Variants in PRDM10 observed in about 807,000 individuals in gnomAD.
The protein encoded by PRDM10 is PR domain zinc finger protein 10.
PRDM10 carries 65 observed loss-of-function variants against 133.1 expected under a neutral mutation model. The observed-to-expected ratio is 0.49, with a 90% CI of 0.40 to 0.60. PRDM10 has a LOEUF of 0.60. PRDM10 is among the 20% of genes least tolerant of loss of function. The pLI is 0.00. For synonymous variants in PRDM10, 582 were observed against 580.4 expected (o/e 1.00, Z -0.04); for missense variants, 1,137 against 1,507.1 (o/e 0.75, Z 4.07).
chr11:129,935,322 A>T lies in PRDM10; in HGVS notation c.1040-104T>A. 4 of 831,972 alleles carry T rather than the reference A, an allele frequency of 4.8e-6. No homozygotes were observed. In the Admixed American group the frequency reaches 7.3e-5, roughly 15 times the overall value. The allele number at this position is 831,972 out of a possible 1,614,324, so 51.5% of individuals were successfully genotyped here. ...ATTCTTATCTTGCTGCAGCCCAAAG[A>T]GTTCATAACTATATAGTATCTGCTA... On this transcript the variant is annotated intron_variant, in intron 8 of 20. Coordinates refer to ENST00000360871, the MANE Select transcript of PRDM10 (RefSeq NM_199437.2).
rs57268294 is a variant in PRDM10, at chr11:129,905,363, G to GAAAAAAAAAA, written c.3267+265_3267+274dup. Reference sequence around the variant, plus strand: ...GGCGACACAGCAAGACTCTGTCTCAGAAAAAAAAAAAAAAAAAAAAGGCTC... The same window carrying GAAAAAAAAAA: ...GGCGACACAGCAAGACTCTGTCTCAGAAAAAAAAAAAAAAAAAAAAAAAAAAAAAAGGCTC... On this transcript the variant is annotated intron_variant, in intron 20 of 20. Coordinates refer to ENST00000360871, the MANE Select transcript of PRDM10 (RefSeq NM_199437.2). Among the ~76,000 whole-genome samples, 5 of 69,444 alleles carry GAAAAAAAAAA rather than the reference G, an allele frequency of 7.2e-5. 1 individual carries two copies. Among genetic ancestry groups the GAAAAAAAAAA allele is most frequent in the Non-Finnish European group, 5.5e-5 (2 of 36,242 alleles). The allele number at this position is 69,444 out of a possible 152,430, so 45.6% of individuals were successfully genotyped here.
chr11:129,998,806 A>G (rs2136012227), intron 1 of PRDM10, among the ~76,000 whole-genome samples: 1 of 151,854 alleles, frequency 6.6e-6, no homozygotes, highest in Middle Eastern at 3.4e-3. Flanking sequence ...GAAATGGTGA[A>G]ATGGTGTAAT....
chr11:129,931,379 C>G, intron 10 of PRDM10, 121 bp from the exon 11 acceptor site: 1 of 1,344,634 alleles, frequency 7.4e-7, no homozygotes, highest in Non-Finnish European at 1.0e-6. Context: ...TATTCTCCCT[C>G]TGGGAAAGTT....
intron 14 of PRDM10, among the ~76,000 whole-genome samples, chr11:129,917,570 T>C (rs1453073448): frequency 1.3e-5 from 2 of 152,242 alleles, no homozygotes; most frequent in Non-Finnish European, 2.9e-5. Flanking sequence ...GTTCTCCTCA[T>C]GCAAACCTGT....
intron 4 of PRDM10, among the ~76,000 whole-genome samples, chr11:129,951,835 G>T (rs1951589556): frequency 6.6e-6 from 1 of 151,984 alleles, no homozygotes; most frequent in Non-Finnish European, 1.5e-5. Flanking sequence ...TCTTAAGGAC[G>T]GGGGAATGCA....
Position 129,947,744 on chromosome 11 carries a change from C to T in PRDM10, c.295-374G>A. The stretch of plus-strand genomic sequence containing the variant: ...TTAATAAAACCTGGTCTCTTCCTGG[C>T]TCATTCAGCCGTTTCACACTGCTTG... On this transcript the variant is annotated intron_variant, in intron 4 of 20. Transcript: ENST00000360871. The surrounding 1 kb of genome is among the most constrained non-coding windows in gnomAD (Gnocchi z 4.6). 2.5e-6 allele frequency: 1 copy of T among 395,562 alleles called. No homozygotes were observed. The highest frequency in any genetic ancestry group is 2.0e-5 in the African/African-American group (1 of 48,888). 24.5% of individuals were successfully genotyped at this position (395,562 alleles called of 1,614,324 possible).
chr11:129,996,621 G>C (rs1048191682), intron 1 of PRDM10, among the ~76,000 whole-genome samples: 1 of 152,166 alleles, frequency 6.6e-6, no homozygotes, highest in African/African-American at 2.4e-5. Context: ...AGGATGGATA[G>C]GATTCTGGCG....
intron 1 of PRDM10, among the ~76,000 whole-genome samples, chr11:129,962,089 T>C (rs1565497568): frequency 6.6e-6 from 1 of 152,188 alleles, no homozygotes; most frequent in Non-Finnish European, 1.5e-5. Context: ...ACAAACTTTT[T>C]TTCTCACATG....
At chr11:129,904,831 C>G (rs1421495655) in intron 20 of PRDM10, among the ~76,000 whole-genome samples, 1 of 151,830 alleles carries the variant, frequency 6.6e-6, no homozygotes, top group Admixed American at 6.5e-5. Flanking sequence ...CATGTATGTA[C>G]TCTGTCTTCT....
intron 1 of PRDM10, among the ~76,000 whole-genome samples, chr11:129,983,578 G>A (rs143247328): frequency 0.017 from 2,529 of 152,230 alleles, 26 homozygotes; most frequent in Middle Eastern, 0.051. Context: ...GATTACAGGC[G>A]TGAGCCACCT....
intron 13 of PRDM10, among the ~76,000 whole-genome samples, chr11:129,921,984 G>A (rs1950535171): frequency 8.5e-5 from 13 of 152,100 alleles, no homozygotes; most frequent in Admixed American, 8.5e-4. Flanking sequence ...CAGATTCCCA[G>A]GTAACTTCCC....
In PRDM10 at chr11:129,928,943, T is replaced by C. The variant is rs137876530; in HGVS notation, c.1530+2073A>G. 3.0e-3 allele frequency among the ~76,000 whole-genome samples: 456 copies of C among 152,254 alleles called. 1 individual carries two copies. Among genetic ancestry groups the C allele is most frequent in the African/African-American group, 0.01 (431 of 41,540 alleles). ...CCTCTCTTTCAAGGGCTAGTCTAAG[T>C]CTCACCTTATCCAAGAATTATCCTG... On this transcript the variant is annotated intron_variant, in intron 11 of 20. Transcript: ENST00000360871.
At chr11:129,937,494 T>C in intron 8 of PRDM10, 104 bp downstream of exon 8, 1 of 976,422 alleles carries the variant, frequency 1.0e-6, no homozygotes, top group Non-Finnish European at 1.5e-6. Flanking sequence ...TGGAATAACT[T>C]CTGAAATATA....
At chr11:129,955,368 T>C in intron 4 of PRDM10, 144 bp downstream of exon 4, 1 of 663,574 alleles carries the variant, frequency 1.5e-6, no homozygotes, top group East Asian at 2.9e-5. Flanking sequence ...GCATTTTGCT[T>C]TGTTTTCATT....
chr11:129,906,708 G>A lies in PRDM10; in HGVS notation c.3164-967C>T, dbSNP rs140692167. ...GTGCTAGAATCATGGCCAGGCACATGGACTCATTCCTGTAATCCCAGCACT... is the reference window on the plus strand; with the variant it reads ...GTGCTAGAATCATGGCCAGGCACATAGACTCATTCCTGTAATCCCAGCACT... On this transcript the variant is annotated intron_variant, in intron 19 of 20. Coordinates refer to ENST00000360871, the MANE Select transcript of PRDM10 (RefSeq NM_199437.2). 4.7e-4 allele frequency among the ~76,000 whole-genome samples: 72 copies of A among 152,254 alleles called. No individual in the cohort carries two copies. The East Asian group carries it at 0.014, about 29-fold the overall frequency.
At chr11:129,946,356 T>C (rs1419961024) in intron 5 of PRDM10, among the ~76,000 whole-genome samples, 3 of 152,136 alleles carry the variant, frequency 2.0e-5, no homozygotes, top group African/African-American at 4.8e-5. Flanking sequence ...TGGGATTAGA[T>C]GTGGAGCTTG....
intron 19 of PRDM10, among the ~76,000 whole-genome samples, chr11:129,907,131 T>C (rs1950041474): frequency 6.6e-6 from 1 of 152,042 alleles, no homozygotes; most frequent in Non-Finnish European, 1.5e-5. Flanking sequence ...ACACCAGCTA[T>C]GAAGTATCAG....
At position 129,910,600 on chromosome 11, in the gene PRDM10, G is replaced by A. The variant is rs1950158280; in HGVS notation, c.3039C>T (p.Pro1013=). 1 of 1,613,482 alleles carries A rather than the reference G, an allele frequency of 6.2e-7. No homozygotes were observed. Among genetic ancestry groups the A allele is most frequent in the Admixed American group, 1.7e-5 (1 of 59,950 alleles). ...SAQQAQQGLS[P]SHIQGSSSTQ... Reference sequence around the variant, plus strand: ...TGGAAGAACTGCCCTGGATGTGGGAGGGGCTGAGCCCCTGCTGAGCCTGCT... The same window carrying A: ...TGGAAGAACTGCCCTGGATGTGGGAAGGGCTGAGCCCCTGCTGAGCCTGCT... The change falls in exon 19 of 21, where the codon CCC becomes CCT. Residue 1013 remains proline, a synonymous_variant. Transcript: ENST00000360871.
chr11:129,960,876 T>G lies in PRDM10; in HGVS notation c.69+20A>C. On this transcript the variant is annotated intron_variant, in intron 2 of 20. Coordinates refer to ENST00000360871, the MANE Select transcript of PRDM10 (RefSeq NM_199437.2). Reference sequence around the variant, plus strand: ...AGCTGAAAACCTCTCAATACCAAGCTGGAAAAGACCAGTCTTCACCTGTGC... The same window carrying G: ...AGCTGAAAACCTCTCAATACCAAGCGGGAAAAGACCAGTCTTCACCTGTGC... 2.5e-6 allele frequency: 4 copies of G among 1,613,904 alleles called. No individual in the cohort carries two copies. The highest frequency in any genetic ancestry group is 2.5e-6 in the Non-Finnish European group (3 of 1,179,868).
Sources: allele counts gnomAD v4.1 joint callset (sites outside exome capture counted in the v4.1 genomes callset), GRCh38; gene constraint gnomAD v4.1.1; non-coding constraint Gnocchi (gnomAD v3.1); transcripts MANE v1.5; gene names NCBI Gene and HGNC (gene_info 2026-07-23, HGNC 2026-07-21).